The following SSH2 variants were observed in gnomAD, a reference collection of about 807,000 sequenced individuals.
SSH2 encodes the protein protein phosphatase Slingshot homolog 2.
A neutral mutation model predicts 135.2 loss-of-function variants in SSH2; 37 were observed. The observed-to-expected ratio is 0.27, with a 90% CI of 0.21 to 0.36. SSH2 has a LOEUF of 0.36. Among genes scored for constraint, SSH2 ranks in the 10% least tolerant of loss-of-function variants. The pLI, the probability that SSH2 is intolerant of heterozygous loss-of-function variation, is 1.00. For synonymous variants in SSH2, 628 were observed against 646.2 expected, an observed-to-expected ratio of 0.97 and a Z score of 0.43; for missense variants, 1,408 against 1,765.3, an observed-to-expected ratio of 0.80 and a Z score of 3.63.
intron 1 of SSH2, among the ~76,000 whole-genome samples, chr17:29,909,935 CATT>C (rs990456344): frequency 2.6e-4 from 40 of 152,094 alleles, no homozygotes; most frequent in African/African-American, 8.7e-4. Context: ...TTTATTCTAT[CATT>C]GTTGTTGTTA....
intron 14 of SSH2, among the ~76,000 whole-genome samples, chr17:29,638,509 T>TACACACACACAC (rs71138839): frequency 6.2e-5 from 8 of 128,882 alleles, no homozygotes; most frequent in African/African-American, 8.9e-5. Context: ...TTCTATATTT[T>TACACACACACAC]ACACACACAC....
In SSH2 at chr17:29,655,398, C is replaced by T. The variant is rs552932754; in HGVS notation, c.1079+163G>A. Among the ~76,000 whole-genome samples, 16 of 152,244 alleles carry T rather than the reference C, an allele frequency of 1.1e-4. No individual in the cohort carries two copies. In the South Asian group the frequency reaches 2.9e-3, roughly 28 times the overall value. ...GATTATAGGCGTGAGTCACCGTGCC[C>T]GGCCCAGCTATTTTTATTTTTCTTA... On this transcript the variant is annotated intron_variant, in intron 12 of 15. Coordinates refer to ENST00000540801, the MANE Select transcript of SSH2 (RefSeq NM_001282129.2).
intron 1 of SSH2, among the ~76,000 whole-genome samples, chr17:29,926,697 G>A (rs1177307602): frequency 6.6e-6 from 1 of 152,026 alleles, no homozygotes; most frequent in Non-Finnish European, 1.5e-5. Flanking sequence ...CTGCCTCCTC[G>A]CCTTTATCTC....
chr17:29,682,550 C>A (rs1196722086), intron 6 of SSH2, among the ~76,000 whole-genome samples: 3 of 151,912 alleles, frequency 2.0e-5, no homozygotes, highest in Non-Finnish European at 4.4e-5. Context: ...CTCAGGAAGG[C>A]AGAGGCAGGA....
chr17:29,725,599 G>A (rs2039977616), intron 3 of SSH2, among the ~76,000 whole-genome samples: 1 of 152,142 alleles, frequency 6.6e-6, no homozygotes, highest in Non-Finnish European at 1.5e-5. Context: ...TCCTTTGCAG[G>A]GACATGGATG....
chr17:29,734,426 CA>C, intron 3 of SSH2, among the ~76,000 whole-genome samples: 1 of 152,266 alleles, frequency 6.6e-6, no homozygotes, highest in East Asian at 1.9e-4. Context: ...GCCTTAGTAG[CA>C]AAGAATGGCT....
chr17:29,673,441 A>G (rs987374735), intron 8 of SSH2, among the ~76,000 whole-genome samples: 2 of 152,138 alleles, frequency 1.3e-5, no homozygotes, highest in Non-Finnish European at 2.9e-5. Context: ...ACGGTGGCAC[A>G]TGCCTGTAGT....
At chr17:29,685,905 A>G (rs1353587925) in intron 5 of SSH2, among the ~76,000 whole-genome samples, 7 of 149,818 alleles carry the variant, frequency 4.7e-5, no homozygotes, top group Admixed American at 4.0e-4. Context: ...CTGGAGTGCA[A>G]TGGTGTGATC....
At chr17:29,917,323 A>G (rs1264639061) in intron 1 of SSH2, among the ~76,000 whole-genome samples, 3 of 152,312 alleles carry the variant, frequency 2.0e-5, no homozygotes, top group Admixed American at 6.5e-5. Context: ...TTTCCAATTT[A>G]GTTTTTTCCA....
At chr17:29,760,739 C>A (rs1598954063) in intron 3 of SSH2, among the ~76,000 whole-genome samples, 1 of 151,332 alleles carries the variant, frequency 6.6e-6, no homozygotes, top group South Asian at 2.1e-4. Context: ...AAAAAAAAAA[C>A]CCATAATCAC....
chr17:29,755,100 C>G (rs897388991), intron 3 of SSH2, among the ~76,000 whole-genome samples: 2 of 152,236 alleles, frequency 1.3e-5, no homozygotes, highest in Non-Finnish European at 2.9e-5. Flanking sequence ...TTAGTGACTA[C>G]TTCCCAGGGA....
At chr17:29,722,791 C>T (rs561214655) in intron 3 of SSH2, among the ~76,000 whole-genome samples, 18 of 152,182 alleles carry the variant, frequency 1.2e-4, no homozygotes, top group Admixed American at 6.5e-4. Flanking sequence ...AGATGGTTTG[C>T]GTAAGCTAAA....
intron 3 of SSH2, among the ~76,000 whole-genome samples, chr17:29,710,202 A>G (rs2039383890): frequency 6.6e-6 from 1 of 152,220 alleles, no homozygotes; most frequent in Non-Finnish European, 1.5e-5. Context: ...ACTGTTCTAC[A>G]TGCACACATA....
rs1384845176 is a variant in SSH2 at position 29,761,294 on chromosome 17, G to A, written c.188+32600C>T. On this transcript the variant is annotated intron_variant, in intron 3 of 15. Transcript: ENST00000540801. ...CAGGGTCATGGGGCCGGCTCAAAGT[G>A]CACAACTCCGCATCCTGGCCTCTGC... 7 of 1,278,236 alleles carry A rather than the reference G, an allele frequency of 5.5e-6. No homozygotes were observed. The Admixed American group carries it at 1.4e-4, about 26-fold the overall frequency. The allele number at this position is 1,278,236 out of a possible 1,614,324, so 79.2% of individuals were successfully genotyped here.
intron 1 of SSH2, among the ~76,000 whole-genome samples, chr17:29,911,920 A>G (rs191705742): frequency 0.012 from 1,882 of 152,340 alleles, 31 homozygotes; most frequent in African/African-American, 0.042. Flanking sequence ...TAGTTGTTAT[A>G]CAAAGTGTGA....
At chr17:29,806,244 C>T (rs1234282887) in intron 2 of SSH2, among the ~76,000 whole-genome samples, 2 of 152,108 alleles carry the variant, frequency 1.3e-5, no homozygotes, top group Non-Finnish European at 2.9e-5. Flanking sequence ...TTGAACCACT[C>T]CGGAATGAAT....
intron 1 of SSH2, among the ~76,000 whole-genome samples, chr17:29,858,551 T>C (rs1318659245): frequency 6.6e-6 from 1 of 152,072 alleles, no homozygotes; most frequent in African/African-American, 2.4e-5. Flanking sequence ...CCAATATAGG[T>C]GGGCCCTAAT....
intron 3 of SSH2, among the ~76,000 whole-genome samples, chr17:29,703,409 C>T (rs989807945): frequency 2.0e-5 from 3 of 151,814 alleles, no homozygotes; most frequent in Non-Finnish European, 2.9e-5. Flanking sequence ...GCCACCACAC[C>T]CAGCTAATTT....
intron 11 of SSH2, among the ~76,000 whole-genome samples, chr17:29,662,053 G>C (rs1219997041): frequency 6.6e-6 from 1 of 152,098 alleles, no homozygotes; most frequent in African/African-American, 2.4e-5. Flanking sequence ...ATAGGCTTAT[G>C]GTGACGTAAT....
Sources: gnomAD v4.1 joint callset for allele counts (sites outside exome capture counted in the v4.1 genomes callset) on GRCh38, gnomAD v4.1.1 for gene constraint, MANE v1.5 for transcripts, NCBI Gene and HGNC (gene_info 2026-07-23, HGNC 2026-07-21) for gene names.